Variants in LUC7L3 observed in about 807,000 individuals in gnomAD.
LUC7L3 encodes the protein luc7-like protein 3.
Under a neutral mutation model 66.8 loss-of-function variants are expected in LUC7L3, and 6 were observed. That is an observed-to-expected ratio of 0.09 (90% confidence interval 0.05 to 0.18). LUC7L3 has a LOEUF of 0.18. Ranked by LOEUF, LUC7L3 falls within the 10% of genes least tolerant of loss-of-function variation. LUC7L3 has a pLI of 1.00. For synonymous variants in LUC7L3, 160 were observed against 174.7 expected (o/e 0.92, Z 0.66); for missense variants, 341 against 531.1 (o/e 0.64, Z 3.52).
rs1406425315 is a variant in LUC7L3, at chr17:50,719,689, G to A, written c.-44G>A. Reference sequence around the variant, plus strand: ...GACGGTGTCGCCCGTGTTTTCGTTGGCGGGTGCCTGGGCTGGTGGGAACAG... The same window carrying A: ...GACGGTGTCGCCCGTGTTTTCGTTGACGGGTGCCTGGGCTGGTGGGAACAG... On this transcript the variant is annotated 5_prime_UTR_variant, in exon 1 of 10. Transcript: ENST00000505658. The A allele has an allele frequency of 6.5e-7, 1 of 1,527,350 alleles. No individual in the cohort carries two copies. Among genetic ancestry groups the A allele is most frequent in the Non-Finnish European group, 9.0e-7 (1 of 1,111,728 alleles). 94.6% of individuals were successfully genotyped at this position (1,527,350 alleles called of 1,614,324 possible).
chr17:50,746,785 A>C (rs1470073112), intron 9 of LUC7L3, 83 bp downstream of exon 9: 47 of 1,261,290 alleles, frequency 3.7e-5, no homozygotes, highest in Non-Finnish European at 5.2e-5. Context: ...ACACAGGCAA[A>C]GATCCATTTC....
Position 50,752,238 on chromosome 17 carries a change from G to A in LUC7L3, c.*1577G>A. 7 of 1,280,890 alleles carry A rather than the reference G, an allele frequency of 5.5e-6. No individual in the cohort carries two copies. The highest frequency in any genetic ancestry group is 1.5e-5 in the African/African-American group (1 of 65,552). 79.3% of individuals were successfully genotyped at this position (1,280,890 alleles called of 1,614,324 possible). A position where few individuals can be genotyped will look rare whatever the true frequency, so the allele number is the denominator to read the frequency against. ...AGATTTTTGGAAGAATACTGAGAAC[G>A]GCATAAAGTGAAGATCGACATTTAA... On this transcript the variant is annotated 3_prime_UTR_variant, in exon 10 of 10. Transcript: ENST00000505658.
chr17:50,729,681 A>G (rs907032428), intron 1 of LUC7L3, among the ~76,000 whole-genome samples: 2 of 152,062 alleles, frequency 1.3e-5, no homozygotes, highest in Non-Finnish European at 2.9e-5. Flanking sequence ...ACCCATACAG[A>G]CATGGGGAGA....
Position 50,751,727 on chromosome 17 carries a change from A to G in LUC7L3, c.*1066A>G, listed in dbSNP as rs772917254. The G allele has an allele frequency of 3.2e-5, 33 of 1,039,940 alleles. No individual in the cohort carries two copies. The highest frequency in any genetic ancestry group is 3.8e-5 in the Non-Finnish European group (33 of 861,888). 64.4% of individuals were successfully genotyped at this position (1,039,940 alleles called of 1,614,324 possible). A position where few individuals can be genotyped will look rare whatever the true frequency, so the allele number is the denominator to read the frequency against. On this transcript the variant is annotated 3_prime_UTR_variant, in exon 10 of 10. Coordinates refer to ENST00000505658, the MANE Select transcript of LUC7L3 (RefSeq NM_016424.5). ...CAGCCATAGGTATGTAGGAATAGTC[A>G]CTCACTGGCTGATACATTTAAAGCA...
At chr17:50,723,079 C>T (rs925204851) in intron 1 of LUC7L3, 52 of 152,154 alleles carry the variant, frequency 3.4e-4, no homozygotes, top group Non-Finnish European at 1.5e-4. Flanking sequence ...AGAGAAGGCA[C>T]TAGTAGCCAT....
chr17:50,743,690 C>A lies in LUC7L3; in HGVS notation c.427-16C>A, dbSNP rs367661527. 9 of 1,492,538 alleles carry A rather than the reference C, an allele frequency of 6.0e-6. No individual in the cohort carries two copies. Among genetic ancestry groups the A allele is most frequent in the Middle Eastern group, 1.7e-4 (1 of 5,850 alleles). The allele number at this position is 1,492,538 out of a possible 1,614,324, so 92.5% of individuals were successfully genotyped here. A position where few individuals can be genotyped will look rare whatever the true frequency, so the allele number is the denominator to read the frequency against. ...TGAAAGAAATCTTAACTGTTTTTTT[C>A]CCCTACTCTTCTAAGATTGAAGAAT... On this transcript the variant is annotated splice_polypyrimidine_tract_variant and intron_variant, in intron 5 of 9. Coordinates refer to ENST00000505658, the MANE Select transcript of LUC7L3 (RefSeq NM_016424.5).
Position 50,751,863 on chromosome 17 carries a change from A to G in LUC7L3, c.*1202A>G. On this transcript the variant is annotated 3_prime_UTR_variant, in exon 10 of 10. Transcript: ENST00000505658. Reference sequence around the variant, plus strand: ...GAAATATTAAAAGTTAGGTACTGTAAGTGTTCTTAAAACCTGTAAACTTCA... The same window carrying G: ...GAAATATTAAAAGTTAGGTACTGTAGGTGTTCTTAAAACCTGTAAACTTCA... 2 of 1,014,556 alleles carry G rather than the reference A, an allele frequency of 2.0e-6. No individual in the cohort carries two copies. The highest frequency in any genetic ancestry group is 7.7e-5 in the South Asian group (2 of 26,100). The allele number at this position is 1,014,556 out of a possible 1,614,324, so 62.8% of individuals were successfully genotyped here. A position where few individuals can be genotyped will look rare whatever the true frequency, so the allele number is the denominator to read the frequency against.
At chr17:50,748,459 G>A (rs1042870048) in intron 9 of LUC7L3, 2 of 152,316 alleles carry the variant, frequency 1.3e-5, no homozygotes, top group African/African-American at 4.8e-5. Context: ...GGGACTGTAG[G>A]TGCATACTAC....
chr17:50,721,068 A>T (rs1253846086), intron 1 of LUC7L3, among the ~76,000 whole-genome samples: 1 of 151,702 alleles, frequency 6.6e-6, no homozygotes, highest in Non-Finnish European at 1.5e-5. Context: ...TTTCTTTTGT[A>T]GGCATCTTTG....
intron 9 of LUC7L3, 86 bp from the exon 10 acceptor site, chr17:50,750,415 C>G: frequency 8.0e-7 from 1 of 1,247,948 alleles, no homozygotes; most frequent in Non-Finnish European, 1.1e-6. Context: ...TGTCTCTCAT[C>G]TCTCAGTTGT....
chr17:50,744,655 A>G lies in LUC7L3; in HGVS notation c.535A>G (p.Ile179Val). 1 of 1,610,300 alleles carries G rather than the reference A, an allele frequency of 6.2e-7. No homozygotes were observed. The highest frequency in any genetic ancestry group is 8.5e-7 in the Non-Finnish European group (1 of 1,179,010). ...AATAACTGATTTATCATTTTAGACA[A>G]TTGAAAGCTTTGCTGCACAAGAAAA... ...RELLRSTTST[I>V]ESFAAQEKQM... The change falls in exon 7 of 10, where the codon ATT becomes GTT. Residue 179 changes from isoleucine (I) to valine (V), a missense_variant. This residue lies in a region of LUC7L3 where 86 missense variants were observed against 172.0 expected (regional missense o/e 0.50). Coordinates refer to ENST00000505658, the MANE Select transcript of LUC7L3 (RefSeq NM_016424.5).
Position 50,755,024 on chromosome 17 carries a change from CAAAA to C in LUC7L3, c.*4366_*4369del, listed in dbSNP as rs1220331451. On this transcript the variant is annotated 3_prime_UTR_variant, in exon 10 of 10. Coordinates refer to ENST00000505658, the MANE Select transcript of LUC7L3 (RefSeq NM_016424.5). ...TTAAACATCTGATATGTGCATGAAA[CAAAA>C]AACACTTGAAGTTATTATGTATACA... 3 of 151,968 alleles carry C rather than the reference CAAAA, an allele frequency of 2.0e-5. No individual in the cohort carries two copies. The highest frequency in any genetic ancestry group is 2.9e-5 in the Non-Finnish European group (2 of 67,988). 9.4% of individuals were successfully genotyped at this position (151,968 alleles called of 1,614,324 possible). A position where few individuals can be genotyped will look rare whatever the true frequency, so the allele number is the denominator to read the frequency against.
chr17:50,735,985 T>A (rs1969961469), intron 1 of LUC7L3, among the ~76,000 whole-genome samples: 1 of 152,168 alleles, frequency 6.6e-6, no homozygotes, highest in Admixed American at 6.5e-5. Flanking sequence ...ATACAAAAAC[T>A]AGCTGGGCAT....
In LUC7L3 at chr17:50,751,023, G is replaced by GTTTTTTTT. The variant is rs11385262; in HGVS notation, c.*366_*373dup. On this transcript the variant is annotated 3_prime_UTR_variant, in exon 10 of 10. Coordinates refer to ENST00000505658, the MANE Select transcript of LUC7L3 (RefSeq NM_016424.5). Reference sequence around the variant, plus strand: ...TTTTTTTTAATAAAAAGGTTGAACTGTTTTTTTTTTTCTTTTTGGTATTAA... The same window carrying GTTTTTTTT: ...TTTTTTTTAATAAAAAGGTTGAACTGTTTTTTTTTTTTTTTTTTTCTTTTTGGTATTAA... 9.7e-7 allele frequency: 1 copy of GTTTTTTTT among 1,032,056 alleles called. No individual in the cohort carries two copies. The highest frequency in any genetic ancestry group is 1.3e-6 in the Non-Finnish European group (1 of 784,324). The allele number at this position is 1,032,056 out of a possible 1,614,324, so 63.9% of individuals were successfully genotyped here. A position where few individuals can be genotyped will look rare whatever the true frequency, so the allele number is the denominator to read the frequency against.
Position 50,751,023 on chromosome 17 carries a change from G to GTTTT in LUC7L3, c.*370_*373dup. On this transcript the variant is annotated 3_prime_UTR_variant, in exon 10 of 10. Transcript: ENST00000505658. ...TTTTTTTTAATAAAAAGGTTGAACT[G>GTTTT]TTTTTTTTTTTCTTTTTGGTATTAA... 2 of 1,187,530 alleles carry GTTTT rather than the reference G, an allele frequency of 1.7e-6. No homozygotes were observed. The highest frequency in any genetic ancestry group is 3.0e-5 in the East Asian group (1 of 33,494). 73.6% of individuals were successfully genotyped at this position (1,187,530 alleles called of 1,614,324 possible).
In LUC7L3 at chr17:50,746,653, C is replaced by T; in HGVS notation, c.1089C>T (p.His363=). Residue 363 remains histidine, a synonymous_variant, in exon 9 of 10, where the codon CAC becomes CAT. Transcript: ENST00000505658. ...SKSRDRKSYK[H]RSKSRDREQD... ...GCCGGGATCGAAAGTCATATAAGCA[C>T]AGGAGCAAAAGTCGGGACAGAGAAC... is the stretch of plus-strand genomic sequence containing the variant. The T allele has an allele frequency of 1.2e-6, 2 of 1,614,040 alleles. No individual in the cohort carries two copies. Among genetic ancestry groups the T allele is most frequent in the South Asian group, 2.2e-5 (2 of 91,074 alleles).
At chr17:50,728,074 C>T (rs1228480242) in intron 1 of LUC7L3, among the ~76,000 whole-genome samples, 5 of 149,844 alleles carry the variant, frequency 3.3e-5, no homozygotes, top group South Asian at 4.2e-4. Context: ...GCCGAGATCG[C>T]GCCACTGCAC....
chr17:50,753,530 T>A lies in LUC7L3; in HGVS notation c.*2869T>A, dbSNP rs1971054539. ...AAAAAATGCTGTGGAGACAGAGCCC[T>A]CCTGGCTCCCTAGCTGATCCTGGAG... On this transcript the variant is annotated 3_prime_UTR_variant, in exon 10 of 10. Coordinates refer to ENST00000505658, the MANE Select transcript of LUC7L3 (RefSeq NM_016424.5). 1 of 152,198 alleles carries A rather than the reference T, an allele frequency of 6.6e-6. No homozygotes were observed. Among genetic ancestry groups the A allele is most frequent in the Non-Finnish European group, 1.5e-5 (1 of 68,028 alleles). 9.4% of individuals were successfully genotyped at this position (152,198 alleles called of 1,614,324 possible). A position where few individuals can be genotyped will look rare whatever the true frequency, so the allele number is the denominator to read the frequency against.
intron 1 of LUC7L3, among the ~76,000 whole-genome samples, chr17:50,728,909 A>ATCAT (rs1555606994): frequency 1.3e-5 from 2 of 149,760 alleles, no homozygotes; most frequent in Admixed American, 6.7e-5. Flanking sequence ...TTTTAAATTA[A>ATCAT]TATTTGTATG....
Sources: gnomAD v4.1 joint callset for allele counts (sites outside exome capture counted in the v4.1 genomes callset) on GRCh38, gnomAD v4.1.1 for gene constraint, gnomAD v4.1.1 regional missense constraint, MANE v1.5 for transcripts, NCBI Gene and HGNC (gene_info 2026-07-23, HGNC 2026-07-21) for gene names.